NBAS: variants seen among roughly 807,000 people sequenced by gnomAD.
NBAS encodes the protein NAG/BC035112 fusion.
NBAS carries 219 observed loss-of-function variants against 302.5 expected under a neutral mutation model. That is an observed-to-expected ratio of 0.72 (90% CI 0.65 to 0.81). The LOEUF (loss-of-function observed/expected upper bound fraction) is 0.81, where lower values mean the gene tolerates loss of function less well. Ranked by LOEUF, NBAS falls within the 30% of genes least tolerant of loss-of-function variation. NBAS has a pLI of 0.00. For missense variants in NBAS, 2,932 were observed against 2,841.6 expected (o/e 1.03, Z -0.72); for synonymous variants, 1,118 against 1,021.6 (o/e 1.09, Z -1.80).
At chr2:15,018,988 G>A in the NBAS span, among the ~76,000 whole-genome samples, 3 of 152,172 alleles carry the variant, frequency 2.0e-5, no homozygotes, top group Non-Finnish European at 2.9e-5. Flanking sequence ...CATGAACTGT[G>A]ATTATGCACA....
the NBAS span, among the ~76,000 whole-genome samples, chr2:15,147,450 T>C: frequency 6.6e-6 from 1 of 151,734 alleles, no homozygotes. Context: ...AAAATTAGCC[T>C]GGTGTGCTGG....
chr2:15,497,584 G>A (rs1039308374), intron 11 of NBAS, among the ~76,000 whole-genome samples: 1 of 152,146 alleles, frequency 6.6e-6, no homozygotes, highest in East Asian at 1.9e-4. Flanking sequence ...TCAGAGTTTT[G>A]TTTTGGAAAT....
At chr2:15,175,901 G>A (rs1239971920) in intron 51 of NBAS, among the ~76,000 whole-genome samples, 1 of 152,190 alleles carries the variant, frequency 6.6e-6, no homozygotes, top group Non-Finnish European at 1.5e-5. Context: ...CATGCTATCA[G>A]CAAACAAGTG....
intron 36 of NBAS, 143 bp downstream of exon 36, chr2:15,330,455 C>G (rs1360364849): frequency 2.9e-6 from 3 of 1,041,138 alleles, no homozygotes; most frequent in Non-Finnish European, 4.2e-6. Flanking sequence ...TACTCCCTAT[C>G]TGATGAGAGG....
chr2:14,785,355 T>C, the NBAS span, among the ~76,000 whole-genome samples: 1 of 152,152 alleles, frequency 6.6e-6, no homozygotes, highest in East Asian at 1.9e-4. Flanking sequence ...TCCAACACTA[T>C]GTTGAATAGG....
intron 9 of NBAS, among the ~76,000 whole-genome samples, chr2:15,511,782 G>C (rs376904489): frequency 1.8e-4 from 28 of 152,286 alleles, no homozygotes; most frequent in African/African-American, 6.0e-4. Flanking sequence ...GACTGAATGG[G>C]AAAGAACCAC....
chr2:15,155,685 T>C, the NBAS span, among the ~76,000 whole-genome samples: 1,152 of 152,324 alleles, frequency 7.6e-3, 10 homozygotes, highest in African/African-American at 0.026. Context: ...GGATGCTGCA[T>C]TTTACGGCAC....
At chr2:15,171,212 C>A (rs986727207) in intron 51 of NBAS, among the ~76,000 whole-genome samples, 2 of 152,090 alleles carry the variant, frequency 1.3e-5, no homozygotes, top group African/African-American at 4.8e-5. Context: ...ACTCTCTTGG[C>A]CAAGCTGATT....
rs372235727 is a variant in NBAS, at chr2:15,276,883, C to T, written c.5357G>A (p.Arg1786Gln). Residue 1786 changes from arginine to glutamine, a missense_variant, in exon 43 of 52, where the codon CGA becomes CAA. Arg to Gln is a conservative substitution (Grantham distance 43). Transcript: ENST00000281513. ...NCAIKPETHI[R>Q]LLKKFKVVAS... Reference sequence around the variant, plus strand: ...AACAACCTTAAACTTCTTCAGCAGTCGAATGTGGGTTTCTGGTTTAATGGC... The same window carrying T: ...AACAACCTTAAACTTCTTCAGCAGTTGAATGTGGGTTTCTGGTTTAATGGC... 27 of 1,613,876 alleles carry T rather than the reference C, an allele frequency of 1.7e-5. No homozygotes were observed. The highest frequency in any genetic ancestry group is 1.6e-4 in the Middle Eastern group (1 of 6,084).
rs114701990 is a variant in NBAS, at chr2:15,468,088, G to A, written c.1878-284C>T. On this transcript the variant is annotated intron_variant, in intron 17 of 51. Coordinates refer to ENST00000281513, the MANE Select transcript of NBAS (RefSeq NM_015909.4). Reference sequence around the variant, plus strand: ...ATTCACTCAATGTAAAGCAGCCTATGCTGAAAATGTCCACAGAGTTTGCTA... The same window carrying A: ...ATTCACTCAATGTAAAGCAGCCTATACTGAAAATGTCCACAGAGTTTGCTA... Among the ~76,000 whole-genome samples, 742 of 152,298 alleles carry A rather than the reference G, an allele frequency of 4.9e-3. 9 individuals are homozygous for A. The highest frequency in any genetic ancestry group is 0.018 in the African/African-American group (728 of 41,564).
chr2:15,194,345 G>C (rs547437679), intron 48 of NBAS, among the ~76,000 whole-genome samples: 1 of 152,084 alleles, frequency 6.6e-6, no homozygotes, highest in Non-Finnish European at 1.5e-5. Context: ...ACATTAATGT[G>C]AATAATAATG....
chr2:15,398,637 AG>A (rs1675996348), intron 26 of NBAS, among the ~76,000 whole-genome samples: 2 of 152,198 alleles, frequency 1.3e-5, no homozygotes, highest in African/African-American at 4.8e-5. Context: ...TTTCTCAAAT[AG>A]CAAATGGATG....
At chr2:15,011,692 C>T in the NBAS span, among the ~76,000 whole-genome samples, 1 of 152,154 alleles carries the variant, frequency 6.6e-6, no homozygotes, top group Non-Finnish European at 1.5e-5. Flanking sequence ...ATCCACCAAC[C>T]CACACATGCC....
In NBAS at chr2:15,188,539, G is replaced by A. The variant is rs547659808; in HGVS notation, c.6573-1659C>T. Among the ~76,000 whole-genome samples, 4 of 152,282 alleles carry A rather than the reference G, an allele frequency of 2.6e-5. No individual in the cohort carries two copies. In the South Asian group the frequency reaches 8.3e-4, roughly 32 times the overall value. On this transcript the variant is annotated intron_variant, in intron 49 of 51. Transcript: ENST00000281513. ...GGAGACATGAATGATAGGAGGGGAG[G>A]GGGTGAGCAGACTGGGAAATGCTTT...
chr2:15,086,259 G>A, the NBAS span, among the ~76,000 whole-genome samples: 20 of 152,156 alleles, frequency 1.3e-4, no homozygotes, highest in Non-Finnish European at 7.3e-5. Context: ...TCCCCTCTGA[G>A]AGGAGCTTCC....
chr2:15,505,708 T>C (rs961215733), intron 10 of NBAS, among the ~76,000 whole-genome samples: 1 of 152,126 alleles, frequency 6.6e-6, no homozygotes, highest in Admixed American at 6.5e-5. Flanking sequence ...TTTGCAGACA[T>C]GAGAAGACAA....
chr2:15,250,287 C>T (rs1420528621), intron 44 of NBAS, among the ~76,000 whole-genome samples: 1 of 152,178 alleles, frequency 6.6e-6, no homozygotes, highest in Admixed American at 6.5e-5. Context: ...TGGATCCCTT[C>T]CTTACACTTT....
chr2:15,344,983 A>G (rs1321098347), intron 35 of NBAS, among the ~76,000 whole-genome samples: 1 of 152,220 alleles, frequency 6.6e-6, no homozygotes, highest in Non-Finnish European at 1.5e-5. Context: ...AAAAATTTTC[A>G]ATAAATTATT....
chr2:15,217,429 C>G (rs999002076), intron 48 of NBAS, among the ~76,000 whole-genome samples: 1 of 152,248 alleles, frequency 6.6e-6, no homozygotes, highest in South Asian at 2.1e-4. Context: ...CGTGATGAGG[C>G]CCAAAATATT....
Sources: allele counts gnomAD v4.1 joint callset (sites outside exome capture counted in the v4.1 genomes callset), GRCh38; gene constraint gnomAD v4.1.1; transcripts MANE v1.5; gene names NCBI Gene and HGNC (gene_info 2026-07-23, HGNC 2026-07-21).